Variants in CNTN5 observed in about 807,000 individuals in gnomAD.
The protein encoded by CNTN5 is contactin 5.
CNTN5 carries 77 observed loss-of-function variants against 129.1 expected under a neutral mutation model. The ratio of observed to expected loss-of-function variants is 0.60; its 90% confidence interval spans 0.50 to 0.72. The LOEUF (loss-of-function observed/expected upper bound fraction) is 0.72, where lower values mean the gene tolerates loss of function less well. Among genes scored for constraint, CNTN5 ranks in the 30% least tolerant of loss-of-function variants. CNTN5 has a pLI of 0.00. For synonymous variants in CNTN5, 509 were observed against 465.6 expected, an observed-to-expected ratio of 1.09 and a Z score of -1.20; for missense variants, 1,478 against 1,328.8, an observed-to-expected ratio of 1.11 and a Z score of -1.75.
chr11:100,002,038 G>A lies in CNTN5; in HGVS notation c.882G>A (p.Val294=). 6.3e-7 allele frequency: 1 copy of A among 1,584,718 alleles called. No homozygotes were observed. Among genetic ancestry groups the A allele is most frequent in the Non-Finnish European group, 8.6e-7 (1 of 1,166,858 alleles). The change falls in exon 9 of 25, where the codon GTG becomes GTA. Residue 294 remains valine, a synonymous_variant. Transcript: ENST00000524871. ...AGACTATTCTTTCTTTCTAAGGTGT[G>A]ATGGGAGAATATGAGCCGAAAATTG... The part of the protein sequence containing the change: ...PTPLTLRNDG[V]MGEYEPKIEV...
chr11:99,516,318 A>G (rs1349881361), intron 2 of CNTN5, among the ~76,000 whole-genome samples: 1 of 152,128 alleles, frequency 6.6e-6, no homozygotes, highest in Non-Finnish European at 1.5e-5. Context: ...AGTCTATTTT[A>G]TATTGGCAAA....
rs570735245 is a variant in CNTN5, at chr11:99,161,883, G to A, written c.-210+140613G>A. Among the ~76,000 whole-genome samples, 195 of 152,180 alleles carry A rather than the reference G, an allele frequency of 1.3e-3. 1 individual carries two copies. Among genetic ancestry groups the A allele is most frequent in the Middle Eastern group, 6.8e-3 (2 of 294 alleles). ...TCACACTTTTACCACTGTTGGGACT[G>A]CTATTCTCCTCATCACTCTTCAAGT... On this transcript the variant is annotated intron_variant, in intron 1 of 24. Coordinates refer to ENST00000524871, the MANE Select transcript of CNTN5 (RefSeq NM_014361.4).
At chr11:99,070,808 A>T (rs1220193146) in intron 1 of CNTN5, among the ~76,000 whole-genome samples, 1 of 152,064 alleles carries the variant, frequency 6.6e-6, no homozygotes, top group Non-Finnish European at 1.5e-5. Flanking sequence ...CATTAATATA[A>T]TTAGACTAGA....
chr11:100,323,178 T>A (rs565186374), intron 21 of CNTN5, among the ~76,000 whole-genome samples: 5 of 152,370 alleles, frequency 3.3e-5, no homozygotes, highest in African/African-American at 1.2e-4. Context: ...TCTCTTGGTC[T>A]CTGCCTACAT....
At chr11:99,715,613 C>A (rs1375923157) in intron 3 of CNTN5, among the ~76,000 whole-genome samples, 2 of 151,846 alleles carry the variant, frequency 1.3e-5, no homozygotes, top group Non-Finnish European at 1.5e-5. Flanking sequence ...GATGATGTTG[C>A]AAGGAGTAAT....
intron 1 of CNTN5, among the ~76,000 whole-genome samples, chr11:99,127,752 A>AT (rs1432201773): frequency 6.6e-6 from 1 of 152,138 alleles, no homozygotes; most frequent in Non-Finnish European, 1.5e-5. Context: ...TATCCATTAT[A>AT]TGCCATTCCC....
chr11:99,766,735 A>G (rs939697621), intron 3 of CNTN5, among the ~76,000 whole-genome samples: 1 of 152,094 alleles, frequency 6.6e-6, no homozygotes, highest in Non-Finnish European at 1.5e-5. Flanking sequence ...GCTTTAAAGC[A>G]GATTTTTTAT....
intron 9 of CNTN5, among the ~76,000 whole-genome samples, chr11:100,053,069 G>A (rs1223070399): frequency 1.3e-5 from 2 of 151,600 alleles, no homozygotes; most frequent in African/African-American, 4.8e-5. Flanking sequence ...TTGGATCATA[G>A]CCCTAAATGT....
At chr11:99,807,850 A>T (rs1946319037) in intron 3 of CNTN5, among the ~76,000 whole-genome samples, 1 of 152,184 alleles carries the variant, frequency 6.6e-6, no homozygotes. Flanking sequence ...GGATATCAAG[A>T]TCAGAGATGA....
chr11:99,932,715 G>C (rs1167479253), intron 7 of CNTN5, among the ~76,000 whole-genome samples: 1 of 152,130 alleles, frequency 6.6e-6, no homozygotes, highest in Non-Finnish European at 1.5e-5. Context: ...ATTTTACCCA[G>C]TGCCTGCTTC....
At chr11:99,583,220 G>A (rs1480110513) in intron 3 of CNTN5, among the ~76,000 whole-genome samples, 1 of 152,172 alleles carries the variant, frequency 6.6e-6, no homozygotes, top group Non-Finnish European at 1.5e-5. Context: ...CGTGTGAGGT[G>A]TTAGTCTGCC....
intron 6 of CNTN5, among the ~76,000 whole-genome samples, chr11:99,871,687 A>G (rs993777357): frequency 6.6e-6 from 1 of 152,088 alleles, no homozygotes; most frequent in Non-Finnish European, 1.5e-5. Flanking sequence ...TCTTTTTTCT[A>G]GCACAGCTTT....
At chr11:99,854,645 G>A (rs187947477) in intron 6 of CNTN5, among the ~76,000 whole-genome samples, 65 of 152,278 alleles carry the variant, frequency 4.3e-4, no homozygotes, top group African/African-American at 1.5e-3. Flanking sequence ...GATAAGGAAT[G>A]TAGGTTTCTG....
chr11:99,421,004 C>G (rs149626200), intron 2 of CNTN5, among the ~76,000 whole-genome samples: 61 of 152,232 alleles, frequency 4.0e-4, no homozygotes, highest in Non-Finnish European at 7.2e-4. Context: ...TCTTCTCATT[C>G]TTTCCTAGCT....
At chr11:99,504,542 A>AAG (rs1683700189) in intron 2 of CNTN5, among the ~76,000 whole-genome samples, 1 of 151,202 alleles carries the variant, frequency 6.6e-6, no homozygotes, top group African/African-American at 2.4e-5. Flanking sequence ...AAAAAAAAAA[A>AAG]AAAAAGAAAG....
chr11:99,449,386 G>A (rs907353331), intron 2 of CNTN5, among the ~76,000 whole-genome samples: 2 of 152,126 alleles, frequency 1.3e-5, no homozygotes, highest in African/African-American at 2.4e-5. Context: ...AAATGAAAAT[G>A]TTAAAGAACT....
intron 2 of CNTN5, among the ~76,000 whole-genome samples, chr11:99,392,749 G>C (rs921884470): frequency 6.6e-6 from 1 of 151,726 alleles, no homozygotes; most frequent in Non-Finnish European, 1.5e-5. Context: ...TATACTAAAA[G>C]GTTGCCATGA....
chr11:99,694,443 CATA>C (rs1479291221), intron 3 of CNTN5, among the ~76,000 whole-genome samples: 1 of 152,136 alleles, frequency 6.6e-6, no homozygotes, highest in Non-Finnish European at 1.5e-5. Context: ...CCCTGCTATA[CATA>C]ATATGCCAAG....
intron 1 of CNTN5, among the ~76,000 whole-genome samples, chr11:99,126,412 G>C (rs547915773): frequency 1.1e-4 from 17 of 152,298 alleles, no homozygotes; most frequent in Admixed American, 2.6e-4. Flanking sequence ...TTAGGAGTGT[G>C]ACTAAAGTTG....
Sources: gnomAD v4.1 joint callset for allele counts (sites outside exome capture counted in the v4.1 genomes callset) on GRCh38, gnomAD v4.1.1 for gene constraint, MANE v1.5 for transcripts, NCBI Gene and HGNC (gene_info 2026-07-23, HGNC 2026-07-21) for gene names.